Variants in ZDHHC21 observed in about 807,000 individuals in gnomAD.
The protein encoded by ZDHHC21 is palmitoyltransferase ZDHHC21.
A neutral mutation model predicts 34.6 loss-of-function variants in ZDHHC21; 15 were observed. The ratio of observed to expected loss-of-function variants is 0.43; its 90% confidence interval spans 0.29 to 0.67. ZDHHC21 has a LOEUF of 0.67. ZDHHC21 is among the 30% of genes least tolerant of loss of function. The probability of loss-of-function intolerance (pLI) is 0.14; values close to 1 mark genes in which losing one functional copy is unlikely to be tolerated. For synonymous variants in ZDHHC21, 142 were observed against 101.8 expected (o/e 1.40, Z -2.38); for missense variants, 344 against 327.7 (o/e 1.05, Z -0.38).
chr9:14,646,217 A>C (rs984323714), intron 7 of ZDHHC21, among the ~76,000 whole-genome samples: 1 of 152,168 alleles, frequency 6.6e-6, no homozygotes, highest in South Asian at 2.1e-4. Context: ...CACAACAATG[A>C]AAATAAACTG....
chr9:14,667,681 C>A (rs1834718783), intron 5 of ZDHHC21, among the ~76,000 whole-genome samples: 1 of 88,318 alleles, frequency 1.1e-5, no homozygotes, highest in Non-Finnish European at 2.3e-5. Flanking sequence ...CCCTGGGATG[C>A]AAGGCTGGTT....
At chr9:14,690,465 A>G in intron 1 of ZDHHC21, 80 bp from the exon 2 acceptor site, 1 of 414,242 alleles carries the variant, frequency 2.4e-6, no homozygotes, top group Non-Finnish European at 4.7e-6. Context: ...ATTTAAAATA[A>G]AATTCACCAG....
chr9:14,658,933 A>G, intron 6 of ZDHHC21, 46 bp from the exon 7 acceptor site: 1 of 1,569,054 alleles, frequency 6.4e-7, no homozygotes, highest in South Asian at 1.2e-5. Flanking sequence ...AATTTCAAGA[A>G]GTTCACCTCA....
chr9:14,670,983 G>A (rs894343134), intron 5 of ZDHHC21, among the ~76,000 whole-genome samples: 1 of 151,838 alleles, frequency 6.6e-6, no homozygotes, highest in South Asian at 2.1e-4. Context: ...AGTGATTTTT[G>A]TACTAGCCAA....
At chr9:14,665,750 G>A (rs1834317336) in intron 5 of ZDHHC21, among the ~76,000 whole-genome samples, 1 of 145,480 alleles carries the variant, frequency 6.9e-6, no homozygotes, top group Non-Finnish European at 1.5e-5. Context: ...GCCAAACTAA[G>A]CTTCATAAGT....
chr9:14,632,985 C>T (rs1827617985), intron 8 of ZDHHC21, among the ~76,000 whole-genome samples: 1 of 152,148 alleles, frequency 6.6e-6, no homozygotes, highest in African/African-American at 2.4e-5. Context: ...AATGGTGCAG[C>T]AACTTTAGAA....
In ZDHHC21 at chr9:14,670,905, G is replaced by C. The variant is rs1426598614; in HGVS notation, c.253+1925C>G. Among the ~76,000 whole-genome samples, 3 of 152,020 alleles carry C rather than the reference G, an allele frequency of 2.0e-5. No individual in the cohort carries two copies. In the South Asian group the frequency reaches 6.2e-4, roughly 32 times the overall value. On this transcript the variant is annotated intron_variant, in intron 5 of 9. Coordinates refer to ENST00000380916, the MANE Select transcript of ZDHHC21 (RefSeq NM_178566.6). ...CTACATATCTCTAAAGCCTTTCTTA[G>C]TCATTTCCCTTTCCTTCCTTTACTC...
At position 14,672,879 on chromosome 9, in the gene ZDHHC21, G is replaced by T. The variant is rs758720521; in HGVS notation, c.204C>A (p.Ser68=). 3 of 1,608,568 alleles carry T rather than the reference G, an allele frequency of 1.9e-6. No individual in the cohort carries two copies. The East Asian group carries it at 6.7e-5, about 36-fold the overall frequency. ...CAGGGAGTCTTCCTGGATCAGTTAT[G>T]GAGGCCCTCACTAAGGCAACCAGAC... is the stretch of plus-strand genomic sequence containing the variant. ...IFCLVALVRA[S]ITDPGRLPEN... is the part of the protein sequence containing the mutation. Residue 68 remains serine, a synonymous_variant, in exon 5 of 10, where the codon TCC becomes TCA. Transcript: ENST00000380916.
intron 8 of ZDHHC21, among the ~76,000 whole-genome samples, chr9:14,627,565 C>T (rs1254519408): frequency 1.3e-5 from 2 of 152,122 alleles, no homozygotes; most frequent in Non-Finnish European, 1.5e-5. Flanking sequence ...CTCACCACAA[C>T]TGAGAAAATC....
chr9:14,637,036 G>T (rs924372822), intron 8 of ZDHHC21, among the ~76,000 whole-genome samples: 1 of 151,632 alleles, frequency 6.6e-6, no homozygotes, highest in South Asian at 2.1e-4. Flanking sequence ...TTAGTAGAAG[G>T]AAAGAAATAA....
chr9:14,632,825 T>C (rs1827592777), intron 8 of ZDHHC21, among the ~76,000 whole-genome samples: 1 of 152,098 alleles, frequency 6.6e-6, no homozygotes, highest in Non-Finnish European at 1.5e-5. Context: ...AACAAGCATG[T>C]GAAAAGATAC....
At chr9:14,623,899 C>A (rs1455605634) in intron 8 of ZDHHC21, among the ~76,000 whole-genome samples, 5 of 151,956 alleles carry the variant, frequency 3.3e-5, no homozygotes, top group African/African-American at 9.7e-5. Context: ...GGGGAAGAAC[C>A]TTTACTCTTG....
chr9:14,658,534 A>G (rs1463783366), intron 7 of ZDHHC21, among the ~76,000 whole-genome samples: 6 of 114,692 alleles, frequency 5.2e-5, no homozygotes, highest in Non-Finnish European at 8.2e-5. Context: ...GCAGTGGCGC[A>G]ATCTCGGCTC....
intron 8 of ZDHHC21, among the ~76,000 whole-genome samples, chr9:14,638,200 CAGAAT>C (rs1003316843): frequency 8.6e-5 from 13 of 151,868 alleles, no homozygotes; most frequent in Admixed American, 8.5e-4. Flanking sequence ...ACCAAGGGAA[CAGAAT>C]AGAGGATCCA....
chr9:14,688,224 T>A (rs1030301696), intron 2 of ZDHHC21, among the ~76,000 whole-genome samples: 1 of 150,844 alleles, frequency 6.6e-6, no homozygotes, highest in South Asian at 2.1e-4. Flanking sequence ...ATCTGTAAAA[T>A]GGAGATAAAA....
chr9:14,683,914 C>T lies in ZDHHC21; in HGVS notation c.-175-3752G>A, dbSNP rs188250664. Among the ~76,000 whole-genome samples the T allele has an allele frequency of 6.0e-3, 907 of 152,230 alleles. 10 individuals carry two copies. The highest frequency in any genetic ancestry group is 0.02 in the African/African-American group (848 of 41,520). ...GGTTCAACATACGAAAATCAATAAA[C>T]GTAATCCAGCATATAAACAGAACCA... On this transcript the variant is annotated intron_variant, in intron 2 of 9. Coordinates refer to ENST00000380916, the MANE Select transcript of ZDHHC21 (RefSeq NM_178566.6).
chr9:14,624,650 A>G (rs961052908), intron 8 of ZDHHC21, among the ~76,000 whole-genome samples: 1 of 152,056 alleles, frequency 6.6e-6, no homozygotes, highest in Non-Finnish European at 1.5e-5. Flanking sequence ...GGGAGGGTAG[A>G]AAGAAGTGAA....
Position 14,618,871 on chromosome 9 carries a change from T to G in ZDHHC21, c.*95A>C. 1 of 1,361,544 alleles carries G rather than the reference T, an allele frequency of 7.3e-7. No homozygotes were observed. The highest frequency in any genetic ancestry group is 1.5e-5 in the African/African-American group (1 of 67,430). The allele number at this position is 1,361,544 out of a possible 1,614,324, so 84.3% of individuals were successfully genotyped here. ...TGATGCCTAAGACTGGTGGGTGGAT[T>G]TTAATTGACTTGAAGACTGTCATAG... On this transcript the variant is annotated 3_prime_UTR_variant, in exon 10 of 10. Transcript: ENST00000380916.
the ZDHHC21 span, among the ~76,000 whole-genome samples, chr9:14,602,690 T>C: frequency 4.6e-5 from 7 of 152,152 alleles, no homozygotes; most frequent in Admixed American, 2.6e-4. Context: ...CATTTTTAAA[T>C]TGCTGAAACG....
Sources: gnomAD v4.1 joint callset for allele counts (sites outside exome capture counted in the v4.1 genomes callset) on GRCh38, gnomAD v4.1.1 for gene constraint, MANE v1.5 for transcripts, NCBI Gene and HGNC (gene_info 2026-07-23, HGNC 2026-07-21) for gene names.